SCN1A: variants seen among roughly 807,000 people sequenced by gnomAD.
The protein encoded by SCN1A is sodium voltage-gated channel alpha subunit 1, also known as sodium channel protein type 1 subunit alpha.
Under a neutral mutation model 193.7 loss-of-function variants are expected in SCN1A, and 13 were observed. The observed-to-expected ratio is 0.07, with a 90% CI of 0.04 to 0.11. The LOEUF (loss-of-function observed/expected upper bound fraction) is 0.11, where lower values mean the gene tolerates loss of function less well. Among genes scored for constraint, SCN1A ranks in the 10% least tolerant of loss-of-function variants. The pLI is 1.00. For missense variants in SCN1A, 1,432 were observed against 2,451.1 expected, an observed-to-expected ratio of 0.58 and a Z score of 8.78; for synonymous variants, 781 against 843.6, an observed-to-expected ratio of 0.93 and a Z score of 1.29.
chr2:166,024,401 T>G (rs1033407269), intron 19 of SCN1A, among the ~76,000 whole-genome samples: 1 of 152,240 alleles, frequency 6.6e-6, no homozygotes, highest in East Asian at 1.9e-4. Context: ...CAACATTTAT[T>G]GAAAGATACC....
rs746108314 is a variant in SCN1A, at chr2:166,039,611, AAATT to A, written c.2416-19_2416-16del. On this transcript the variant is annotated splice_polypyrimidine_tract_variant and intron_variant, in intron 16 of 28. Transcript: ENST00000674923. ...CCAGTGAAAACCTAAGATCAAAACA[AAATT>A]AATCTAATTCCACCAGATAATAACA... 2 of 1,606,840 alleles carry A rather than the reference AAATT, an allele frequency of 1.2e-6. No homozygotes were observed.
intron 19 of SCN1A, among the ~76,000 whole-genome samples, chr2:166,034,049 CTGACA>C (rs1179559004): frequency 6.6e-6 from 1 of 152,088 alleles, no homozygotes; most frequent in African/African-American, 2.4e-5. Flanking sequence ...AAAGTCTGAA[CTGACA>C]TAATATCCAA....
chr2:166,119,564 A>G (rs529928107), intron 2 of SCN1A, among the ~76,000 whole-genome samples: 1 of 152,316 alleles, frequency 6.6e-6, no homozygotes, highest in Non-Finnish European at 1.5e-5. Context: ...AATATAAGAT[A>G]AATTTCTTAA....
At chr2:166,064,504 T>C (rs1322486424) in intron 4 of SCN1A, among the ~76,000 whole-genome samples, 1 of 152,184 alleles carries the variant, frequency 6.6e-6, no homozygotes, top group African/African-American at 2.4e-5. Flanking sequence ...AAAATAATTA[T>C]GTTATAATGA....
chr2:166,049,458 C>CTT (rs10646092), intron 9 of SCN1A, among the ~76,000 whole-genome samples: 73,682 of 151,528 alleles, frequency 0.49, 18,525 homozygotes, highest in East Asian at 0.56. Context: ...TTAAGTATAA[C>CTT]ATATTCTCAC....
chr2:166,019,333 C>A (rs1185602398), intron 19 of SCN1A, among the ~76,000 whole-genome samples: 3 of 152,114 alleles, frequency 2.0e-5, no homozygotes, highest in African/African-American at 7.2e-5. Context: ...AATTTTAAAA[C>A]ATTTTTTAAG....
chr2:166,119,936 CTTTAT>C (rs540300931), intron 2 of SCN1A, among the ~76,000 whole-genome samples: 167 of 151,866 alleles, frequency 1.1e-3, no homozygotes, highest in African/African-American at 3.5e-3. Context: ...TTATTTTGAA[CTTTAT>C]TTTAAGAAAA....
intron 7 of SCN1A, 61 bp downstream of exon 7, chr2:166,054,577 C>T (rs777527514): frequency 6.5e-7 from 1 of 1,548,852 alleles, no homozygotes; most frequent in Non-Finnish European, 8.9e-7. Flanking sequence ...TTCTTAAAAG[C>T]ATAAGCACTG....
In SCN1A at chr2:166,127,593, G is replaced by C. The variant is rs528706238; in HGVS notation, c.-229+178C>G. On this transcript the variant is annotated intron_variant, in intron 1 of 28. Coordinates refer to ENST00000674923, the MANE Select transcript of SCN1A (RefSeq NM_001165963.4). The stretch of plus-strand genomic sequence containing the variant: ...CAGTTCATGGAAGGTTGAGAGAGGA[G>C]GGGGGAGGGGAGGGGAGGAGAAGAG... Among the ~76,000 whole-genome samples the C allele has an allele frequency of 4.6e-5, 7 of 152,108 alleles. No individual in the cohort carries two copies. In the East Asian group the frequency reaches 1.2e-3, roughly 25 times the overall value.
chr2:166,063,108 T>C (rs142194894), intron 4 of SCN1A, among the ~76,000 whole-genome samples: 1 of 152,240 alleles, frequency 6.6e-6, no homozygotes, highest in East Asian at 1.9e-4. Context: ...TTCTTAATAT[T>C]TGTCCTTCAG....
At chr2:166,145,142 ATTTTTTT>A (rs10527781) in intron 1 of SCN1A, among the ~76,000 whole-genome samples, 1 of 129,026 alleles carries the variant, frequency 7.8e-6, no homozygotes, top group African/African-American at 2.8e-5. Flanking sequence ...GGCCTAAGTA[ATTTTTTT>A]TTTTTTTTTT....
chr2:166,076,823 C>T (rs1346078469), intron 3 of SCN1A, among the ~76,000 whole-genome samples: 1 of 117,480 alleles, frequency 8.5e-6, no homozygotes, highest in Non-Finnish European at 1.7e-5. Context: ...GCTGGAATAA[C>T]TAGACATCCA....
In SCN1A at chr2:166,054,908, C is replaced by T. The variant is rs374091002; in HGVS notation, c.474-142G>A. 1,162 of 750,088 alleles carry T rather than the reference C, an allele frequency of 1.5e-3. 2 individuals are homozygous for T. Among genetic ancestry groups the T allele is most frequent in the Middle Eastern group, 2.8e-3 (7 of 2,526 alleles). The allele number at this position is 750,088 out of a possible 1,614,324, so 46.5% of individuals were successfully genotyped here. On this transcript the variant is annotated intron_variant, in intron 6 of 28. Transcript: ENST00000674923. ...GGATTTTAATTTCATACAAATGAAACGTAGCCCTAAATTTAAATTCAGCTT... is the reference window on the plus strand; with the variant it reads ...GGATTTTAATTTCATACAAATGAAATGTAGCCCTAAATTTAAATTCAGCTT...
chr2:166,001,081 A>C (rs1219400531), intron 24 of SCN1A, among the ~76,000 whole-genome samples: 2 of 151,762 alleles, frequency 1.3e-5, no homozygotes, highest in African/African-American at 4.8e-5. Flanking sequence ...GGTTAGAATA[A>C]GTGCCCAAAT....
Position 166,039,582 on chromosome 2 carries a change from G to C in SCN1A, c.2430C>G (p.Ile810Met). 1 of 1,613,686 alleles carries C rather than the reference G, an allele frequency of 6.2e-7. No individual in the cohort carries two copies. Among genetic ancestry groups the C allele is most frequent in the South Asian group, 1.1e-5 (1 of 91,058 alleles). The change falls in exon 17 of 29, where the codon ATC becomes ATG. Residue 810 changes from isoleucine (I) to methionine (M), a missense_variant. By Grantham distance (10) the Ile-to-Met change is conservative. Coordinates refer to ENST00000674923, the MANE Select transcript of SCN1A (RefSeq NM_001165963.4). Reference sequence around the variant, plus strand: ...TTTTCAGAAACATTTCTGCTGTAAAGATCCCAGTGAAAACCTAAGATCAAA... The same window carrying C: ...TTTTCAGAAACATTTCTGCTGTAAACATCCCAGTGAAAACCTAAGATCAAA... Reference protein sequence around the residue: ...LTVGNLVFTGIFTAEMFLKII... With the variant: ...LTVGNLVFTGMFTAEMFLKII...
chr2:166,118,298 G>GCTTCTTCTTTTTTTTTTT (rs371947861), intron 2 of SCN1A, among the ~76,000 whole-genome samples: 6 of 44,732 alleles, frequency 1.3e-4, no homozygotes, highest in African/African-American at 4.4e-4. Flanking sequence ...TTTCTATTTA[G>GCTTCTTCTTTTTTTTTTT]TTTCTTTTTT....
intron 3 of SCN1A, among the ~76,000 whole-genome samples, chr2:166,076,314 G>C (rs1019667271): frequency 6.6e-6 from 1 of 151,592 alleles, no homozygotes; most frequent in African/African-American, 2.4e-5. Context: ...TTAGTATTTT[G>C]GTGGTTTAAT....
At chr2:166,048,689 ACTT>A (rs1334167925) in intron 10 of SCN1A, among the ~76,000 whole-genome samples, 194 bp downstream of exon 10, 1 of 152,116 alleles carries the variant, frequency 6.6e-6, no homozygotes, top group African/African-American at 2.4e-5. Flanking sequence ...TAAAAGTATT[ACTT>A]CTTGTTTTAG....
intron 23 of SCN1A, 139 bp downstream of exon 23, chr2:166,009,580 T>C (rs1037140496): frequency 1.8e-4 from 119 of 654,142 alleles, no homozygotes; most frequent in Admixed American, 9.3e-5. Flanking sequence ...GAAGTAAATA[T>C]GCAACAGATA....
Sources: allele counts gnomAD v4.1 joint callset (sites outside exome capture counted in the v4.1 genomes callset), GRCh38; gene constraint gnomAD v4.1.1; transcripts MANE v1.5; gene names NCBI Gene and HGNC (gene_info 2026-07-23, HGNC 2026-07-21).